CERKL: variants seen among roughly 807,000 people sequenced by gnomAD.
The protein encoded by CERKL is ceramide kinase-like protein.
Under a neutral mutation model 63.4 loss-of-function variants are expected in CERKL, and 61 were observed. The ratio of observed to expected loss-of-function variants is 0.96; its 90% confidence interval spans 0.78 to 1.19. The LOEUF is 1.19. CERKL is among the 50% of genes most tolerant of loss of function. The pLI, the probability that CERKL is intolerant of heterozygous loss-of-function variation, is 0.00. For synonymous variants in CERKL, 250 were observed against 230.5 expected (o/e 1.08, Z -0.77); for missense variants, 675 against 655.5 (o/e 1.03, Z -0.33).
chr2:181,544,983 C>A (rs978195392), intron 10 of CERKL, among the ~76,000 whole-genome samples, 187 bp from the exon 11 acceptor site: 3 of 152,084 alleles, frequency 2.0e-5, no homozygotes, highest in Non-Finnish European at 4.4e-5. Context: ...ATGATGCAGG[C>A]TTTCAAATGA....
At chr2:181,565,470 G>C in intron 4 of CERKL, 1 of 1,612,188 alleles carries the variant, frequency 6.2e-7, no homozygotes, top group Non-Finnish European at 8.5e-7. Context: ...AACAATCTCT[G>C]TACACTCCAA....
chr2:181,581,680 C>T (rs1684520395), intron 2 of CERKL, among the ~76,000 whole-genome samples: 3 of 152,180 alleles, frequency 2.0e-5, no homozygotes, highest in African/African-American at 7.2e-5. Context: ...AAACCACTGA[C>T]CTTCCATAAT....
chr2:181,548,920 A>G (rs2105804322), intron 6 of CERKL, 63 bp from the exon 7 acceptor site: 3 of 1,417,890 alleles, frequency 2.1e-6, no homozygotes, highest in Admixed American at 3.4e-5. Context: ...AACAGCAAAC[A>G]TAAGAGAGCA....
At chr2:181,538,417 A>ATAAT (rs993334732) in intron 12 of CERKL, among the ~76,000 whole-genome samples, 173 bp from the exon 13 acceptor site, 3 of 152,178 alleles carry the variant, frequency 2.0e-5, no homozygotes, top group African/African-American at 7.2e-5. Flanking sequence ...ATCAACAACA[A>ATAAT]TAATTGCTCT....
chr2:181,617,133 A>T (rs915919493), intron 1 of CERKL: 3 of 152,234 alleles, frequency 2.0e-5, no homozygotes, highest in Non-Finnish European at 4.4e-5. Context: ...AACTCAGTTT[A>T]AAAAATCCAG....
At chr2:181,539,054 T>C (rs1387872540) in intron 12 of CERKL, 38 bp downstream of exon 12, 1 of 1,238,366 alleles carries the variant, frequency 8.1e-7, no homozygotes, top group African/African-American at 2.8e-5. Flanking sequence ...GATTTATGTT[T>C]ACTGGTTGAC....
At chr2:181,555,015 T>C (rs888094227) in intron 5 of CERKL, among the ~76,000 whole-genome samples, 3 of 152,126 alleles carry the variant, frequency 2.0e-5, no homozygotes, top group Non-Finnish European at 4.4e-5. Flanking sequence ...TTACTACAAA[T>C]ATCCAAAGAA....
chr2:181,639,741 G>C (rs1249411108), intron 1 of CERKL, among the ~76,000 whole-genome samples: 1 of 152,170 alleles, frequency 6.6e-6, no homozygotes, highest in East Asian at 1.9e-4. Flanking sequence ...CCCAGCAACT[G>C]AAATTACTGG....
intron 1 of CERKL, among the ~76,000 whole-genome samples, chr2:181,642,367 C>A (rs1192037216): frequency 6.6e-6 from 1 of 152,232 alleles, no homozygotes; most frequent in East Asian, 1.9e-4. Context: ...CAGATTAATA[C>A]TTAGAATATA....
chr2:181,566,053 C>T lies in CERKL; in HGVS notation c.677+5G>A. ...TAACATATATTGATTAATAATATAACCTACCCATCAAATCCCTGGAGTTCA... is the reference window on the plus strand; with the variant it reads ...TAACATATATTGATTAATAATATAATCTACCCATCAAATCCCTGGAGTTCA... On this transcript the variant is annotated splice_donor_5th_base_variant and intron_variant, in intron 4 of 12. Coordinates refer to ENST00000410087, the MANE Select transcript of CERKL (RefSeq NM_201548.5). The T allele has an allele frequency of 6.3e-7, 1 of 1,575,698 alleles. No homozygotes were observed. Among genetic ancestry groups the T allele is most frequent in the South Asian group, 1.1e-5 (1 of 90,314 alleles).
chr2:181,537,341 C>T lies in CERKL; in HGVS notation c.*843G>A. 1 of 453,834 alleles carries T rather than the reference C, an allele frequency of 2.2e-6. No homozygotes were observed. Among genetic ancestry groups the T allele is most frequent in the Non-Finnish European group, 4.4e-6 (1 of 226,738 alleles). 28.1% of individuals were successfully genotyped at this position (453,834 alleles called of 1,614,324 possible). ...AAAGCAGAGTACTATGGTTGTCCAA[C>T]ACAGGCCTCTCAGATACAAGGGGAA... On this transcript the variant is annotated 3_prime_UTR_variant, in exon 13 of 13. Coordinates refer to ENST00000410087, the MANE Select transcript of CERKL (RefSeq NM_201548.5).
Position 181,656,890 on chromosome 2 carries a change from C to G in CERKL, c.117G>C (p.Thr39=). 2.5e-6 allele frequency: 4 copies of G among 1,605,360 alleles called. No individual in the cohort carries two copies. The highest frequency in any genetic ancestry group is 3.4e-6 in the Non-Finnish European group (4 of 1,175,176). The part of the protein sequence containing the change: ...PPALLTSPQQ[T]EAAAERILLR... ...GCAGAATCCGCTCGGCCGCCGCCTCCGTCTGCTGCGGGGACGTTAACAGCG... is the reference window on the plus strand; with the variant it reads ...GCAGAATCCGCTCGGCCGCCGCCTCGGTCTGCTGCGGGGACGTTAACAGCG... Residue 39 remains threonine (T), a synonymous_variant, in exon 1 of 13, where the codon ACG becomes ACC. Coordinates refer to ENST00000410087, the MANE Select transcript of CERKL (RefSeq NM_201548.5).
chr2:181,578,387 C>T (rs1574466814), intron 2 of CERKL, among the ~76,000 whole-genome samples: 1 of 152,070 alleles, frequency 6.6e-6, no homozygotes, highest in African/African-American at 2.4e-5. Flanking sequence ...ACAACCTTTG[C>T]CTCCCAGGCT....
Position 181,550,304 on chromosome 2 carries a change from T to C in CERKL, c.821-596A>G, listed in dbSNP as rs1252535681. Among the ~76,000 whole-genome samples the C allele has an allele frequency of 2.0e-5, 3 of 152,150 alleles. No individual in the cohort carries two copies. The highest frequency in any genetic ancestry group is 4.4e-5 in the Non-Finnish European group (3 of 68,018). ...CAATTGTATTTCCCATGTATGAAGA[T>C]TTGTATTTGAAACATTATGATTTCT... On this transcript the variant is annotated intron_variant, in intron 5 of 12. Transcript: ENST00000410087. The surrounding 1 kb of genome is among the most constrained non-coding windows in gnomAD (Gnocchi z 4.5).
At chr2:181,560,935 A>G (rs774146660) in intron 4 of CERKL, among the ~76,000 whole-genome samples, 3 of 152,206 alleles carry the variant, frequency 2.0e-5, no homozygotes, top group Admixed American at 6.5e-5. Context: ...AACCTAGGAA[A>G]TAAGTTTTGT....
chr2:181,599,355 G>T (rs191195872), intron 2 of CERKL, among the ~76,000 whole-genome samples: 2 of 151,932 alleles, frequency 1.3e-5, no homozygotes, highest in African/African-American at 4.8e-5. Flanking sequence ...AGCCAACATG[G>T]CAAAACCTTG....
At chr2:181,618,417 TA>T (rs1330956983) in intron 1 of CERKL, among the ~76,000 whole-genome samples, 11 of 152,100 alleles carry the variant, frequency 7.2e-5, no homozygotes, top group Admixed American at 5.9e-4. Flanking sequence ...TTTTTATTTT[TA>T]TTTTTTTTAT....
intron 8 of CERKL, 78 bp downstream of exon 8, chr2:181,548,467 A>C: frequency 1.9e-6 from 2 of 1,068,862 alleles, no homozygotes; most frequent in Non-Finnish European, 2.8e-6. Context: ...AAAGATCCTA[A>C]GTCTGATCAA....
chr2:181,570,816 T>TA (rs1688871237), intron 3 of CERKL, among the ~76,000 whole-genome samples: 1 of 152,206 alleles, frequency 6.6e-6, no homozygotes, highest in African/African-American at 2.4e-5. Context: ...CTTCATATTA[T>TA]ACTTCATATT....
Sources: allele counts gnomAD v4.1 joint callset (sites outside exome capture counted in the v4.1 genomes callset), GRCh38; gene constraint gnomAD v4.1.1; non-coding constraint Gnocchi (gnomAD v3.1); transcripts MANE v1.5; gene names NCBI Gene and HGNC (gene_info 2026-07-23, HGNC 2026-07-21).